The following SLC2A6 variants were observed in gnomAD, a reference collection of about 807,000 sequenced individuals.
The protein encoded by SLC2A6 is solute carrier family 2 member 6.
SLC2A6 carries 39 observed loss-of-function variants against 47.8 expected under a neutral mutation model. The observed-to-expected ratio is 0.82, with a 90% confidence interval of 0.63 to 1.07. The LOEUF (loss-of-function observed/expected upper bound fraction) is 1.07. Among genes scored for constraint, SLC2A6 ranks in the 50% least tolerant of loss-of-function variants. SLC2A6 has a pLI of 0.00. For missense variants in SLC2A6, 650 were observed against 707.6 expected (o/e 0.92, Z 0.92); for synonymous variants, 346 against 324.1 (o/e 1.07, Z -0.73).
At chr9:133,478,776 C>T (rs1554804050) in intron 1 of SLC2A6, 192 bp downstream of exon 1, 3 of 601,506 alleles carry the variant, frequency 5.0e-6, no homozygotes, top group Non-Finnish European at 8.6e-6. Flanking sequence ...CCGGTACTCT[C>T]GTGGATCGTT....
chr9:133,476,357 A>C, intron 3 of SLC2A6, 21 bp from the exon 4 acceptor site: 2 of 1,606,910 alleles, frequency 1.2e-6, no homozygotes, highest in Non-Finnish European at 1.7e-6. Flanking sequence ...CAGCCGCCGC[A>C]CCAGGTTTTG....
In SLC2A6 at chr9:133,475,503, C is replaced by T. The variant is rs147854160; in HGVS notation, c.671G>A (p.Arg224Gln). 8,892 of 1,611,576 alleles carry T rather than the reference C, an allele frequency of 5.5e-3. 35 individuals carry two copies. Among genetic ancestry groups the T allele is most frequent in the Non-Finnish European group, 6.9e-3 (8,122 of 1,179,904 alleles). The change falls in exon 5 of 10, where the codon CGG becomes CAG. Residue 224 changes from arginine to glutamine, a missense_variant. Physicochemically the swap from Arg to Gln is conservative, Grantham distance 43. Coordinates refer to ENST00000371899, the MANE Select transcript of SLC2A6 (RefSeq NM_017585.4). ...MPNSPRFLLS[R>Q]GRDEEALRAL... ...CCGCAGGGCCTCTTCGTCCCTGCCC[C>T]GAGAGAGCAGGAAGCGCGGCGAGTT...
chr9:133,478,210 T>A lies in SLC2A6; in HGVS notation c.255+44A>T, dbSNP rs1438129723. 44 of 1,602,964 alleles carry A rather than the reference T, an allele frequency of 2.7e-5. No homozygotes were observed. In the Admixed American group the frequency reaches 7.4e-4, roughly 27 times the overall value. On this transcript the variant is annotated intron_variant, in intron 2 of 9. Coordinates refer to ENST00000371899, the MANE Select transcript of SLC2A6 (RefSeq NM_017585.4). ...CTAGCTGGAGATAAGGCTCAGCAGGTCCCTCCTTCCTGCACCCACCCTCCT... is the reference window on the plus strand; with the variant it reads ...CTAGCTGGAGATAAGGCTCAGCAGGACCCTCCTTCCTGCACCCACCCTCCT...
rs372298320 is a variant in SLC2A6, at chr9:133,477,256, G to A, written c.256-15C>T. The A allele has an allele frequency of 7.1e-6, 11 of 1,549,818 alleles. No homozygotes were observed. The highest frequency in any genetic ancestry group is 9.6e-6 in the Non-Finnish European group (11 of 1,146,742). Reference sequence around the variant, plus strand: ...GTGAACACGGACTGCAGGGGAAGGGGGTGCAGGGCAGATATGTCTGGGCAC... The same window carrying A: ...GTGAACACGGACTGCAGGGGAAGGGAGTGCAGGGCAGATATGTCTGGGCAC... On this transcript the variant is annotated splice_polypyrimidine_tract_variant and intron_variant, in intron 2 of 9. Transcript: ENST00000371899.
chr9:133,473,239 C>T lies in SLC2A6; in HGVS notation c.1234G>A (p.Gly412Ser), dbSNP rs1444938823. 3 of 1,581,154 alleles carry T rather than the reference C, an allele frequency of 1.9e-6. No individual in the cohort carries two copies. The highest frequency in any genetic ancestry group is 2.3e-5 in the East Asian group (1 of 43,248). The change falls in exon 9 of 10, where the codon GGC becomes AGC. Residue 412 changes from glycine to serine, a missense_variant. Transcript: ENST00000371899. The part of the protein sequence containing the change: ...TMLFIMGYAV[G>S]WGPITWLLMS... ...AGCAGCCAGGTGATGGGACCCCAGCCCACGGCGTAGCCTGCTCGGAGGAGG... is the reference window on the plus strand; with the variant it reads ...AGCAGCCAGGTGATGGGACCCCAGCTCACGGCGTAGCCTGCTCGGAGGAGG...
rs587677135 is a variant in SLC2A6, at chr9:133,478,228, A to C, written c.255+26T>G. On this transcript the variant is annotated intron_variant, in intron 2 of 9. Coordinates refer to ENST00000371899, the MANE Select transcript of SLC2A6 (RefSeq NM_017585.4). ...CAGCAGGTCCCTCCTTCCTGCACCC[A>C]CCCTCCTCCAGAGGATGGTCCTTAC... The C allele has an allele frequency of 1.1e-5, 17 of 1,612,464 alleles. No homozygotes were observed. The African/African-American group carries it at 1.7e-4, about 16-fold the overall frequency.
rs933497866 is a variant in SLC2A6 at position 133,471,683 on chromosome 9, G to A, written c.*338C>T. 41 of 243,260 alleles carry A rather than the reference G, an allele frequency of 1.7e-4. No individual in the cohort carries two copies. The Admixed American group carries it at 1.8e-3, about 10-fold the overall frequency. 15.1% of individuals were successfully genotyped at this position (243,260 alleles called of 1,614,324 possible). On this transcript the variant is annotated 3_prime_UTR_variant, in exon 10 of 10. Coordinates refer to ENST00000371899, the MANE Select transcript of SLC2A6 (RefSeq NM_017585.4). ...CAGCCCTGTCCTCTCAGTCCTCCCC[G>A]TAGCCTTCTGTGGGGCGTGTCCTTC...
Position 133,473,261 on chromosome 9 carries a change from G to A in SLC2A6, c.1223-11C>T. The A allele has an allele frequency of 6.4e-7, 1 of 1,562,762 alleles. No homozygotes were observed. The highest frequency in any genetic ancestry group is 8.7e-7 in the Non-Finnish European group (1 of 1,154,138). On this transcript the variant is annotated splice_polypyrimidine_tract_variant and intron_variant, in intron 8 of 9. Transcript: ENST00000371899. The stretch of plus-strand genomic sequence containing the variant: ...AGCCCACGGCGTAGCCTGCTCGGAG[G>A]AGGAGGCAGGTTCAGGCCCTGTGGG...
intron 4 of SLC2A6, 49 bp from the exon 5 acceptor site, chr9:133,475,660 C>T (rs1554803175): frequency 6.7e-7 from 1 of 1,488,226 alleles, no homozygotes; most frequent in Non-Finnish European, 9.1e-7. Context: ...TGGTACAGCC[C>T]CTTCCCTCTG....
rs782725070 is a variant in SLC2A6, at chr9:133,473,605, GGACA to G, written c.1037-9_1037-6del. On this transcript the variant is annotated splice_region_variant and splice_polypyrimidine_tract_variant and intron_variant, in intron 7 of 9. Coordinates refer to ENST00000371899, the MANE Select transcript of SLC2A6 (RefSeq NM_017585.4). Reference sequence around the variant, plus strand: ...TGGCAGCAAACATGATGGCCGCTGTGGACAGACAGGTGGCCTCGTGGGGCCAGGA... The same window carrying G: ...TGGCAGCAAACATGATGGCCGCTGTGGACAGGTGGCCTCGTGGGGCCAGGA... The G allele has an allele frequency of 1.3e-6, 2 of 1,518,336 alleles. No individual in the cohort carries two copies. The highest frequency in any genetic ancestry group is 1.3e-5 in the South Asian group (1 of 75,046). The allele number at this position is 1,518,336 out of a possible 1,614,324, so 94.1% of individuals were successfully genotyped here. A position where few individuals can be genotyped will look rare whatever the true frequency, so the allele number is the denominator to read the frequency against.
chr9:133,478,917 C>A, intron 1 of SLC2A6, 51 bp downstream of exon 1: 1 of 1,489,332 alleles, frequency 6.7e-7, no homozygotes, highest in Non-Finnish European at 9.0e-7. Context: ...CTGGAGGGAA[C>A]CAGGGCCACC....
chr9:133,477,747 A>C (rs1844014942), intron 2 of SLC2A6, among the ~76,000 whole-genome samples: 1 of 152,230 alleles, frequency 6.6e-6, no homozygotes, highest in Admixed American at 6.5e-5. Context: ...TGCCCAACAC[A>C]TGCCTGGCAC....
chr9:133,475,906 C>A (rs1327909991), intron 4 of SLC2A6, among the ~76,000 whole-genome samples: 1 of 152,276 alleles, frequency 6.6e-6, no homozygotes, highest in East Asian at 1.9e-4. Context: ...AACTGAGCAG[C>A]TGCACGCACT....
Position 133,473,474 on chromosome 9 carries a change from G to A in SLC2A6, c.1163C>T (p.Ala388Val), listed in dbSNP as rs782142007. 3.1e-6 allele frequency: 5 copies of A among 1,604,638 alleles called. No homozygotes were observed. In the Admixed American group the frequency reaches 6.8e-5, roughly 22 times the overall value. Reference protein sequence around the residue: ...ESWGDLAQPLAAPAGYLTLVP... With the variant: ...ESWGDLAQPLVAPAGYLTLVP... ...CAGGGTGAGGTAGCCAGCGGGTGCT[G>A]CCAGGGGCTGCGCCAAGTCCCCCCA... is the stretch of plus-strand genomic sequence containing the variant. The change falls in exon 8 of 10, where the codon GCA becomes GTA. Residue 388 changes from alanine to valine, a missense_variant. Transcript: ENST00000371899.
In SLC2A6 at chr9:133,471,400, T is replaced by G. The variant is rs587766827; in HGVS notation, c.*621A>C. The G allele has an allele frequency of 2.0e-5, 3 of 152,358 alleles. No homozygotes were observed. The East Asian group carries it at 5.8e-4, about 29-fold the overall frequency. The allele number at this position is 152,358 out of a possible 1,614,324, so 9.4% of individuals were successfully genotyped here. On this transcript the variant is annotated 3_prime_UTR_variant, in exon 10 of 10. Coordinates refer to ENST00000371899, the MANE Select transcript of SLC2A6 (RefSeq NM_017585.4). ...CACCACACCCAGCTTTTTTGTATTT[T>G]TTAGTAGAGACGGGGTTTCACCATG...
chr9:133,474,298 A>G (rs1243524075), intron 6 of SLC2A6, among the ~76,000 whole-genome samples: 4 of 152,182 alleles, frequency 2.6e-5, no homozygotes, highest in Admixed American at 2.6e-4. Flanking sequence ...GCCCACCACT[A>G]TGCCCAGCTG....
rs114148869 is a variant in SLC2A6, at chr9:133,475,337, G to A, written c.774+63C>T. On this transcript the variant is annotated intron_variant, in intron 5 of 9. Coordinates refer to ENST00000371899, the MANE Select transcript of SLC2A6 (RefSeq NM_017585.4). ...CCTGTCTTCCAGGAAAAGCCTCCACGGCCACACACAGCTGAAGTGCTGGAG... is the reference window on the plus strand; with the variant it reads ...CCTGTCTTCCAGGAAAAGCCTCCACAGCCACACACAGCTGAAGTGCTGGAG... The A allele has an allele frequency of 6.4e-4, 952 of 1,490,504 alleles. 7 individuals carry two copies. In the African/African-American group the frequency reaches 0.011, roughly 17 times the overall value. 92.3% of individuals were successfully genotyped at this position (1,490,504 alleles called of 1,614,324 possible). A position where few individuals can be genotyped will look rare whatever the true frequency, so the allele number is the denominator to read the frequency against.
chr9:133,473,857 A>T, intron 7 of SLC2A6, 123 bp downstream of exon 7: 1 of 844,028 alleles, frequency 1.2e-6, no homozygotes, highest in Non-Finnish European at 1.8e-6. Flanking sequence ...TGCCGATGCT[A>T]GGGAGGCAGG....
Position 133,478,636 on chromosome 9 carries a change from C to A in SLC2A6, c.93-220G>T, listed in dbSNP as rs587711899. The stretch of plus-strand genomic sequence containing the variant: ...GTGGCTGAGCCTCTGGTGCTGGGGC[C>A]TTTTCTCCGGAAGAGGAGGCTCTGG... On this transcript the variant is annotated intron_variant, in intron 1 of 9. Transcript: ENST00000371899. 31 of 607,932 alleles carry A rather than the reference C, an allele frequency of 5.1e-5. No individual in the cohort carries two copies. The African/African-American group carries it at 5.8e-4, about 11-fold the overall frequency. 37.7% of individuals were successfully genotyped at this position (607,932 alleles called of 1,614,324 possible).
Sources: allele counts gnomAD v4.1 joint callset (sites outside exome capture counted in the v4.1 genomes callset), GRCh38; gene constraint gnomAD v4.1.1; transcripts MANE v1.5; gene names NCBI Gene and HGNC (gene_info 2026-07-23, HGNC 2026-07-21).